The following PLAC1 variants were observed in gnomAD, a reference collection of about 807,000 sequenced individuals.
The protein encoded by PLAC1 is placenta associated 1.
For synonymous variants in PLAC1, 68 were observed against 62.1 expected (o/e 1.09, Z -0.44); for missense variants, 136 against 163.2 (o/e 0.83, Z 0.91).
intron 2 of PLAC1, among the ~76,000 whole-genome samples, chrX:134,708,593 AAT>A (rs2078616803): frequency 1.0e-5 from 1 of 96,926 alleles, no homozygotes; most frequent in South Asian, 5.1e-4. Flanking sequence ...GCTGGAGTGC[AAT>A]ATGGCACAAT....
intron 1 of PLAC1, among the ~76,000 whole-genome samples, chrX:134,613,849 C>T (rs1394652693): frequency 2.7e-5 from 3 of 111,064 alleles, no homozygotes; most frequent in Non-Finnish European, 3.8e-5. Context: ...CCTTTTCTTG[C>T]CGCTCTGTTG....
At chrX:134,579,759 C>T (rs187183202) in intron 2 of PLAC1, among the ~76,000 whole-genome samples, 3 of 111,324 alleles carry the variant, frequency 2.7e-5, no homozygotes, top group East Asian at 2.8e-4. Context: ...TGTGCTTTCC[C>T]GGAAAGCTGA....
intron 1 of PLAC1, among the ~76,000 whole-genome samples, chrX:134,644,079 T>C (rs1208320270): frequency 3.6e-5 from 4 of 111,217 alleles, no homozygotes; most frequent in African/African-American, 1.3e-4. Flanking sequence ...AAATATTAGA[T>C]GTTTTCACCC....
chrX:134,572,341 A>G (rs1971416861), intron 2 of PLAC1, among the ~76,000 whole-genome samples: 1 of 112,098 alleles, frequency 8.9e-6, no homozygotes, highest in South Asian at 3.7e-4. Flanking sequence ...TCTCAAAGAA[A>G]GTGACAATTG....
At chrX:134,700,467 T>G (rs1287842836) in intron 2 of PLAC1, among the ~76,000 whole-genome samples, 3 of 111,594 alleles carry the variant, frequency 2.7e-5, no homozygotes, top group Admixed American at 9.6e-5. Flanking sequence ...GAGAAAGAAA[T>G]AAATGGCATC....
At chrX:134,610,753 G>A (rs1216280166) in intron 1 of PLAC1, among the ~76,000 whole-genome samples, 1 of 111,642 alleles carries the variant, frequency 9.0e-6, no homozygotes, top group African/African-American at 3.3e-5. Flanking sequence ...CAGTAATCCT[G>A]CCTCATGTAA....
chrX:134,633,122 A>T (rs1305629107), intron 1 of PLAC1, among the ~76,000 whole-genome samples: 1 of 111,587 alleles, frequency 9.0e-6, no homozygotes, highest in Non-Finnish European at 1.9e-5. Flanking sequence ...GTTGGTAGGC[A>T]TCATTTCTTC....
intron 2 of PLAC1, among the ~76,000 whole-genome samples, chrX:134,709,287 G>A (rs780401183): frequency 8.5e-4 from 95 of 112,360 alleles, no homozygotes; most frequent in African/African-American, 3.1e-3. Flanking sequence ...GTGAAGAAGA[G>A]TAGTGAAGGG....
intron 2 of PLAC1, among the ~76,000 whole-genome samples, chrX:134,718,782 G>A (rs1219101756): frequency 2.7e-5 from 3 of 111,680 alleles, no homozygotes; most frequent in Non-Finnish European, 5.6e-5. Context: ...AGCCATCCTG[G>A]GCAGTCCTCT....
At chrX:134,761,194 A>T (rs865967754) in intron 1 of PLAC1, among the ~76,000 whole-genome samples, 2 of 95,384 alleles carry the variant, frequency 2.1e-5, no homozygotes, top group Admixed American at 2.1e-4. Flanking sequence ...GGAAAAAAAA[A>T]ATATATAGAT....
chrX:134,664,656 G>A, intron 2 of PLAC1, among the ~76,000 whole-genome samples: 1 of 112,369 alleles, frequency 8.9e-6, no homozygotes. Context: ...GCAGTGCAAG[G>A]TGATGTGCAG....
At chrX:134,714,822 T>C (rs2078638626) in intron 2 of PLAC1, among the ~76,000 whole-genome samples, 1 of 112,334 alleles carries the variant, frequency 8.9e-6, no homozygotes, top group Non-Finnish European at 1.9e-5. Flanking sequence ...GCATCAGAAT[T>C]TCCTTCCTTT....
intron 2 of PLAC1, among the ~76,000 whole-genome samples, chrX:134,578,515 CTT>C (rs766626696): frequency 1.8e-5 from 1 of 55,970 alleles, no homozygotes; most frequent in African/African-American, 6.9e-5. Flanking sequence ...TTCTTTCTTT[CTT>C]TTTTTTTTTT....
chrX:134,733,690 G>C (rs1156916635), intron 1 of PLAC1: 1 of 111,295 alleles, frequency 9.0e-6, no homozygotes, highest in Non-Finnish European at 1.9e-5. Flanking sequence ...AGGGCAAGAG[G>C]ATTCCAGATG....
At chrX:134,722,491 C>T (rs1002740781) in intron 2 of PLAC1, among the ~76,000 whole-genome samples, 7 of 111,486 alleles carry the variant, frequency 6.3e-5, no homozygotes, top group Non-Finnish European at 1.1e-4. Context: ...ATCCAGAGGC[C>T]GAAAGATTAA....
intron 2 of PLAC1, among the ~76,000 whole-genome samples, chrX:134,568,487 C>T (rs982729573): frequency 4.5e-5 from 5 of 112,040 alleles, no homozygotes; most frequent in Non-Finnish European, 7.5e-5. Context: ...ACGGATTGGT[C>T]TCACTGTCTT....
At chrX:134,662,615 A>G, upstream of PLAC1, among the ~76,000 whole-genome samples, 1 of 112,487 alleles carries the variant, frequency 8.9e-6, no homozygotes, top group Non-Finnish European at 1.9e-5. Context: ...TTGTAAAAAA[A>G]ATGACTATGT....
At chrX:134,762,806 A>G (rs1347158721) in intron 1 of PLAC1, among the ~76,000 whole-genome samples, 3 of 94,152 alleles carry the variant, frequency 3.2e-5, no homozygotes, top group Non-Finnish European at 6.3e-5. Context: ...TGGGTGACAG[A>G]ATGAGGCTCT....
intron 1 of PLAC1, among the ~76,000 whole-genome samples, chrX:134,745,991 G>C (rs2147849334): frequency 8.9e-6 from 1 of 111,738 alleles, no homozygotes; most frequent in African/African-American, 3.3e-5. Flanking sequence ...AGGGAGGTAA[G>C]TAACCCCTAA....
Sources: allele counts gnomAD v4.1 joint callset (sites outside exome capture counted in the v4.1 genomes callset), GRCh38; gene constraint gnomAD v4.1.1; transcripts MANE v1.5; gene names NCBI Gene and HGNC (gene_info 2026-07-23, HGNC 2026-07-21).